SLC26A7: variants seen among roughly 807,000 people sequenced by gnomAD.
SLC26A7 encodes anion exchange transporter.
Under a neutral mutation model 82.5 loss-of-function variants are expected in SLC26A7, and 59 were observed. The ratio of observed to expected loss-of-function variants is 0.72; its 90% CI spans 0.58 to 0.89. SLC26A7 has a LOEUF of 0.89. SLC26A7 is among the 40% of genes least tolerant of loss of function. The pLI, the probability that SLC26A7 is intolerant of heterozygous loss-of-function variation, is 0.00. For synonymous variants in SLC26A7, 271 were observed against 274.3 expected (o/e 0.99, Z 0.12); for missense variants, 820 against 793.0 (o/e 1.03, Z -0.41).
chr8:91,383,514 G>A (rs570293738), intron 15 of SLC26A7, among the ~76,000 whole-genome samples: 126 of 152,198 alleles, frequency 8.3e-4, no homozygotes, highest in African/African-American at 2.5e-3. Context: ...CCTAAAAATC[G>A]TTTCAGAAGG....
chr8:91,378,819 A>G (rs1318095832), intron 15 of SLC26A7, among the ~76,000 whole-genome samples: 1 of 152,116 alleles, frequency 6.6e-6, no homozygotes, highest in Non-Finnish European at 1.5e-5. Context: ...AATTTACAAC[A>G]AAAATATAAC....
Position 91,249,805 on chromosome 8 carries a change from GTGTC to G in SLC26A7, c.157_160del (p.Ser53GlyfsTer2). Reference sequence around the variant, plus strand: ...GAAAGAAAACTTGCTTCCAGACACTGTGTCTGGGATAATGTTGGCAGTTCAACAG... The same window carrying G: ...GAAAGAAAACTTGCTTCCAGACACTGTGGGATAATGTTGGCAGTTCAACAG... On this transcript the variant is annotated frameshift_variant, in exon 2 of 19. Transcript: ENST00000276609. LOFTEE classifies it high-confidence loss of function. 1 of 1,609,784 alleles carries G rather than the reference GTGTC, an allele frequency of 6.2e-7. No homozygotes were observed. The highest frequency in any genetic ancestry group is 8.5e-7 in the Non-Finnish European group (1 of 1,178,468).
intron 12 of SLC26A7, among the ~76,000 whole-genome samples, chr8:91,363,190 C>A (rs1814097483): frequency 6.6e-6 from 1 of 151,998 alleles, no homozygotes; most frequent in African/African-American, 2.4e-5. Context: ...ATCAATACTG[C>A]ATAATCTCTT....
At chr8:91,214,291 A>G (rs570611595) in intron 1 of SLC26A7, among the ~76,000 whole-genome samples, 1 of 152,294 alleles carries the variant, frequency 6.6e-6, no homozygotes, top group East Asian at 1.9e-4. Context: ...CCCAAGTTGT[A>G]TCTTAGACAT....
intron 16 of SLC26A7, 31 bp from the exon 17 acceptor site, chr8:91,393,766 A>C: frequency 6.2e-7 from 1 of 1,608,422 alleles, no homozygotes; most frequent in Non-Finnish European, 8.5e-7. Flanking sequence ...ATTCTGAATT[A>C]ATTGTGGGTA....
chr8:91,218,354 A>ACT (rs56966857), intron 1 of SLC26A7, among the ~76,000 whole-genome samples: 115,812 of 152,014 alleles, frequency 0.76, 45,370 homozygotes, highest in African/African-American at 0.93. Context: ...TATTTTGTAC[A>ACT]AATTATTTTG....
rs1480506813 is a variant in SLC26A7 at position 91,396,029 on chromosome 8, A to G, written c.*932A>G. The G allele has an allele frequency of 6.6e-6, 1 of 152,018 alleles. No individual in the cohort carries two copies. The highest frequency in any genetic ancestry group is 1.5e-5 in the Non-Finnish European group (1 of 67,924). The allele number at this position is 152,018 out of a possible 1,614,324, so 9.4% of individuals were successfully genotyped here. ...ATATAATATGTTTATCTATATCCAT[A>G]TGGATGGATAGGTAGGTAGATCTTC... On this transcript the variant is annotated 3_prime_UTR_variant, in exon 19 of 19. Transcript: ENST00000276609.
At chr8:91,342,566 G>A (rs775609455) in intron 8 of SLC26A7, among the ~76,000 whole-genome samples, 2 of 152,138 alleles carry the variant, frequency 1.3e-5, no homozygotes, top group African/African-American at 2.4e-5. Context: ...GAAAAATCAA[G>A]AATAACCCTA....
In SLC26A7 at chr8:91,241,941, G is replaced by A. The variant is rs775836238; in HGVS notation, c.-33-7678G>A. Reference sequence around the variant, plus strand: ...ACATTGCAAGATAGAGGCTAGTTCTGAATTTTCCCTAGTTTTGAAATTTTC... The same window carrying A: ...ACATTGCAAGATAGAGGCTAGTTCTAAATTTTCCCTAGTTTTGAAATTTTC... On this transcript the variant is annotated intron_variant, in intron 2 of 5. Transcript: ENST00000522862. Among the ~76,000 whole-genome samples, 5 of 152,098 alleles carry A rather than the reference G, an allele frequency of 3.3e-5. 1 individual carries two copies. The highest frequency in any genetic ancestry group is 2.9e-5 in the Non-Finnish European group (2 of 68,012).
rs530659693 is a variant in SLC26A7 at position 91,321,000 on chromosome 8, T to C, written c.642+2620T>C. Among the ~76,000 whole-genome samples the C allele has an allele frequency of 1.4e-4, 22 of 152,358 alleles. No homozygotes were observed. The South Asian group carries it at 4.6e-3, about 32-fold the overall frequency. On this transcript the variant is annotated intron_variant, in intron 5 of 18. Transcript: ENST00000276609. ...CATTTTTGTCAAAAGAGTCCAGTTT[T>C]AGCCAATCAAAATGTCCATTGATTA...
intron 2 of SLC26A7, among the ~76,000 whole-genome samples, chr8:91,228,156 T>G (rs1047211849): frequency 5.3e-5 from 8 of 152,194 alleles, no homozygotes; most frequent in Non-Finnish European, 2.9e-5. Context: ...CCTTGTCTCA[T>G]TAGAGTCAGT....
chr8:91,389,473 C>T, intron 16 of SLC26A7, 35 bp downstream of exon 16: 1 of 1,504,254 alleles, frequency 6.6e-7, no homozygotes, highest in Non-Finnish European at 9.3e-7. Flanking sequence ...ACTGTTTCTT[C>T]CCTTTTGTTC....
Position 91,289,188 on chromosome 8 carries a change from G to A in SLC26A7, c.246G>A (p.Gly82=). ...TGCACCCAGTGTTTGGTTTATATGG[G>A]TCTCTGTTTCCTGCCATAATTTATG... ...SSVHPVFGLY[G]SLFPAIIYAI... is the part of the protein sequence containing the mutation. Residue 82 remains glycine (G), a synonymous_variant, in exon 3 of 19, where the codon GGG becomes GGA. Transcript: ENST00000276609. 6.2e-7 allele frequency: 1 copy of A among 1,613,940 alleles called. No individual in the cohort carries two copies. The highest frequency in any genetic ancestry group is 8.5e-7 in the Non-Finnish European group (1 of 1,179,962).
chr8:91,357,827 A>G (rs1375716519), intron 11 of SLC26A7, among the ~76,000 whole-genome samples: 1 of 152,234 alleles, frequency 6.6e-6, no homozygotes, highest in Non-Finnish European at 1.5e-5. Flanking sequence ...CAGGCAACCT[A>G]CAAAAATGGG....
chr8:91,352,622 T>C (rs1813748317), intron 10 of SLC26A7, among the ~76,000 whole-genome samples: 1 of 152,118 alleles, frequency 6.6e-6, no homozygotes, highest in South Asian at 2.1e-4. Flanking sequence ...GCATTTAGCT[T>C]CATGATGTTC....
intron 15 of SLC26A7, among the ~76,000 whole-genome samples, chr8:91,379,257 G>T (rs1586472442): frequency 6.6e-6 from 1 of 151,990 alleles, no homozygotes; most frequent in East Asian, 1.9e-4. Flanking sequence ...CTGATTTATA[G>T]ATTTATATTT....
intron 2 of SLC26A7, among the ~76,000 whole-genome samples, chr8:91,288,400 G>A (rs1315860652): frequency 6.6e-6 from 1 of 152,100 alleles, no homozygotes; most frequent in African/African-American, 2.4e-5. Flanking sequence ...ACCACCAGTG[G>A]TCATTTAGAC....
intron 4 of SLC26A7, among the ~76,000 whole-genome samples, chr8:91,309,242 C>T (rs926515863): frequency 8.6e-5 from 13 of 151,262 alleles, no homozygotes; most frequent in African/African-American, 2.7e-4. Flanking sequence ...ATAAAATATA[C>T]GTTATGTATA....
rs1212394395 is a variant in SLC26A7, at chr8:91,225,897, C to T, written c.-34+6892C>T. The stretch of plus-strand genomic sequence containing the variant: ...TTTCAGAGGTCATCAGTGACTTACT[C>T]CCAGTCCAGCTGCTCCTCCTCTGGC... On this transcript the variant is annotated intron_variant, in intron 2 of 5. Coordinates refer to the SLC26A7 transcript ENST00000522862. Among the ~76,000 whole-genome samples the T allele has an allele frequency of 2.6e-5, 4 of 152,058 alleles. 1 individual carries two copies. In the East Asian group the frequency reaches 7.7e-4, roughly 29 times the overall value.
Sources: gnomAD v4.1 joint callset for allele counts (sites outside exome capture counted in the v4.1 genomes callset) on GRCh38, gnomAD v4.1.1 for gene constraint, MANE v1.5 for transcripts, NCBI Gene and HGNC (gene_info 2026-07-23, HGNC 2026-07-21) for gene names.